Variants in ATRNL1 observed in about 807,000 individuals in gnomAD.
ATRNL1 encodes the protein attractin like 1.
Under a neutral mutation model 182.7 loss-of-function variants are expected in ATRNL1, and 95 were observed. The observed-to-expected ratio is 0.52, with a 90% CI of 0.44 to 0.62. The LOEUF (loss-of-function observed/expected upper bound fraction) is 0.62, where lower values mean the gene tolerates loss of function less well. Ranked by LOEUF, ATRNL1 falls within the 20% of genes least tolerant of loss-of-function variation. ATRNL1 has a pLI of 0.00. For synonymous variants in ATRNL1, 576 were observed against 568.3 expected (o/e 1.01, Z -0.19); for missense variants, 1,471 against 1,679.5 (o/e 0.88, Z 2.17).
intron 10 of ATRNL1, 101 bp downstream of exon 10, chr10:115,241,826 A>G: frequency 1.0e-6 from 1 of 957,846 alleles, no homozygotes. Context: ...ATGTCATTTT[A>G]GAGTTAAGTG....
At chr10:115,252,004 G>A (rs1253242851) in intron 10 of ATRNL1, among the ~76,000 whole-genome samples, 1 of 152,074 alleles carries the variant, frequency 6.6e-6, no homozygotes, top group Non-Finnish European at 1.5e-5. Flanking sequence ...AACATGTGCT[G>A]TCTAGCTGTC....
intron 14 of ATRNL1, among the ~76,000 whole-genome samples, chr10:115,281,924 T>C (rs1284023647): frequency 3.4e-5 from 5 of 147,942 alleles, no homozygotes; most frequent in African/African-American, 7.4e-5. Context: ...ATATTAATTA[T>C]ATATTATATA....
At chr10:115,325,256 C>A (rs1854811457) in intron 18 of ATRNL1, among the ~76,000 whole-genome samples, 1 of 152,024 alleles carries the variant, frequency 6.6e-6, no homozygotes, top group South Asian at 2.1e-4. Flanking sequence ...TATTCCATAG[C>A]TACTGAGATA....
intron 19 of ATRNL1, among the ~76,000 whole-genome samples, chr10:115,371,844 C>G (rs1857411089): frequency 6.6e-6 from 1 of 152,094 alleles, no homozygotes. Context: ...GGCTGTGTCC[C>G]CACCCAAGTC....
intron 10 of ATRNL1, among the ~76,000 whole-genome samples, chr10:115,248,884 G>A (rs1554904736): frequency 6.6e-6 from 1 of 152,064 alleles, no homozygotes; most frequent in Non-Finnish European, 1.5e-5. Context: ...GGCTAATATA[G>A]GTTTTTCTTT....
intron 26 of ATRNL1, among the ~76,000 whole-genome samples, chr10:115,591,716 A>G (rs903882690): frequency 6.6e-5 from 10 of 152,306 alleles, no homozygotes; most frequent in African/African-American, 1.9e-4. Context: ...AAACGCGTAT[A>G]TACTTTGGTG....
rs1462747717 is a variant in ATRNL1 at position 115,947,688 on chromosome 10, C to T, written c.*2909C>T. The T allele has an allele frequency of 6.6e-6, 1 of 152,424 alleles. No homozygotes were observed. Among genetic ancestry groups the T allele is most frequent in the African/African-American group, 2.4e-5 (1 of 41,456 alleles). The allele number at this position is 152,424 out of a possible 1,614,324, so 9.4% of individuals were successfully genotyped here. A position where few individuals can be genotyped will look rare whatever the true frequency, so the allele number is the denominator to read the frequency against. ...GGTAATTGATCCTTGCTGTACTTCC[C>T]AACATCTCATCTTCTTTTAGCTGCA... On this transcript the variant is annotated 3_prime_UTR_variant, in exon 29 of 29. Coordinates refer to ENST00000355044, the MANE Select transcript of ATRNL1 (RefSeq NM_207303.4).
At chr10:115,376,861 T>G (rs1419673188) in intron 19 of ATRNL1, among the ~76,000 whole-genome samples, 1 of 152,194 alleles carries the variant, frequency 6.6e-6, no homozygotes, top group Non-Finnish European at 1.5e-5. Flanking sequence ...TTTTTATGTT[T>G]GATGGTGTCA....
chr10:115,721,457 G>C (rs1263303513), intron 26 of ATRNL1, among the ~76,000 whole-genome samples: 1 of 152,144 alleles, frequency 6.6e-6, no homozygotes, highest in Non-Finnish European at 1.5e-5. Context: ...GGAAGAAAAA[G>C]AGGTTTAATT....
intron 25 of ATRNL1, among the ~76,000 whole-genome samples, chr10:115,540,828 T>A (rs1323283023): frequency 6.6e-6 from 1 of 151,392 alleles, no homozygotes; most frequent in African/African-American, 2.4e-5. Flanking sequence ...AATTACCAAG[T>A]CAAGGACTAT....
intron 27 of ATRNL1, among the ~76,000 whole-genome samples, chr10:115,731,563 G>T (rs534336549): frequency 2.0e-5 from 3 of 151,386 alleles, no homozygotes; most frequent in Non-Finnish European, 4.4e-5. Flanking sequence ...TGGGGATCAA[G>T]ATCTAGTTAT....
At chr10:115,831,965 T>C (rs965215890) in intron 27 of ATRNL1, among the ~76,000 whole-genome samples, 1 of 152,170 alleles carries the variant, frequency 6.6e-6, no homozygotes, top group Non-Finnish European at 1.5e-5. Flanking sequence ...AATAGTAATT[T>C]CATCTTATTC....
At chr10:115,112,764 G>GA (rs1229747057) in intron 1 of ATRNL1, among the ~76,000 whole-genome samples, 16 of 152,102 alleles carry the variant, frequency 1.1e-4, no homozygotes, top group Admixed American at 1.0e-3. Context: ...AATTTGTGAG[G>GA]AAAAAATCAT....
At chr10:115,258,776 TTGG>T (rs1851269030) in intron 10 of ATRNL1, among the ~76,000 whole-genome samples, 1 of 152,198 alleles carries the variant, frequency 6.6e-6, no homozygotes. Flanking sequence ...GTCTTTGATT[TTGG>T]TGACCTACAG....
chr10:115,619,085 C>A (rs1196775204), intron 26 of ATRNL1, among the ~76,000 whole-genome samples: 4 of 152,160 alleles, frequency 2.6e-5, no homozygotes, highest in Non-Finnish European at 5.9e-5. Flanking sequence ...TGGCTGTAAT[C>A]AACATCAGTT....
intron 8 of ATRNL1, among the ~76,000 whole-genome samples, chr10:115,192,480 G>C (rs1217481421): frequency 6.6e-6 from 1 of 151,964 alleles, no homozygotes; most frequent in Non-Finnish European, 1.5e-5. Flanking sequence ...CCAGTACAAT[G>C]CTGTTTTGAC....
chr10:115,365,563 C>G (rs1293162706), intron 19 of ATRNL1, among the ~76,000 whole-genome samples: 23 of 152,254 alleles, frequency 1.5e-4, no homozygotes, highest in African/African-American at 5.3e-4. Flanking sequence ...CTTCTGCTAG[C>G]TTTAGAATGT....
chr10:115,152,611 T>G (rs1415382503), intron 5 of ATRNL1, among the ~76,000 whole-genome samples: 8 of 152,210 alleles, frequency 5.3e-5, no homozygotes, highest in East Asian at 1.9e-4. Flanking sequence ...AAGGAGATTT[T>G]GGGCTGAGAT....
At chr10:115,354,806 T>A (rs1856431274) in intron 19 of ATRNL1, among the ~76,000 whole-genome samples, 1 of 152,144 alleles carries the variant, frequency 6.6e-6, no homozygotes, top group Non-Finnish European at 1.5e-5. Flanking sequence ...GTATCCTCTT[T>A]AAGACCAGTG....
Sources: allele counts gnomAD v4.1 joint callset (sites outside exome capture counted in the v4.1 genomes callset), GRCh38; gene constraint gnomAD v4.1.1; transcripts MANE v1.5; gene names NCBI Gene and HGNC (gene_info 2026-07-23, HGNC 2026-07-21).